Variants in ZBTB20 observed in about 807,000 individuals in gnomAD.
ZBTB20 encodes zinc finger and BTB domain containing 20.
A neutral mutation model predicts 56.9 loss-of-function variants in ZBTB20; 9 were observed. That is an observed-to-expected ratio of 0.16 (90% CI 0.10 to 0.28). ZBTB20 has a LOEUF of 0.28. ZBTB20 is among the 10% of genes least tolerant of loss of function. ZBTB20 has a pLI of 1.00. For missense variants in ZBTB20, 655 were observed against 1,003.0 expected (o/e 0.65, Z 4.69); for synonymous variants, 417 against 420.7 (o/e 0.99, Z 0.11).
chr3:114,763,524 T>C (rs1296510341), intron 5 of ZBTB20, among the ~76,000 whole-genome samples: 2 of 152,128 alleles, frequency 1.3e-5, no homozygotes, highest in Non-Finnish European at 2.9e-5. Flanking sequence ...AATCCCCAAA[T>C]ATAAGAATGA....
At chr3:114,438,215 G>A (rs2090651816) in intron 7 of ZBTB20, among the ~76,000 whole-genome samples, 2 of 152,086 alleles carry the variant, frequency 1.3e-5, no homozygotes, top group African/African-American at 4.8e-5. Context: ...GGCCAGAGCT[G>A]AGAGATCAGC....
chr3:114,980,619 G>C (rs976415366), intron 2 of ZBTB20, among the ~76,000 whole-genome samples: 1 of 151,144 alleles, frequency 6.6e-6, no homozygotes, highest in African/African-American at 2.4e-5. Context: ...AATTATATTA[G>C]ATTGATATAA....
chr3:115,038,014 A>C (rs1357258833), intron 2 of ZBTB20, among the ~76,000 whole-genome samples: 1 of 152,266 alleles, frequency 6.6e-6, no homozygotes, highest in Non-Finnish European at 1.5e-5. Flanking sequence ...TAGAAAACTT[A>C]GCTATTCAAA....
intron 5 of ZBTB20, among the ~76,000 whole-genome samples, chr3:114,752,470 T>A (rs2067642050): frequency 6.6e-6 from 1 of 152,210 alleles, no homozygotes; most frequent in Admixed American, 6.5e-5. Flanking sequence ...CCAGTTGGCA[T>A]AACCTTAGGA....
At chr3:114,427,466 G>T (rs2089772717) in intron 7 of ZBTB20, among the ~76,000 whole-genome samples, 1 of 152,210 alleles carries the variant, frequency 6.6e-6, no homozygotes, top group East Asian at 1.9e-4. Context: ...TCCCATTCTA[G>T]ATGGCTCCAG....
intron 7 of ZBTB20, among the ~76,000 whole-genome samples, chr3:114,389,745 C>T (rs1231163879): frequency 2.6e-5 from 4 of 151,318 alleles, no homozygotes; most frequent in Admixed American, 6.6e-5. Flanking sequence ...AAAAATTAGC[C>T]AGGCGTGATG....
intron 4 of ZBTB20, among the ~76,000 whole-genome samples, chr3:114,885,283 T>C (rs1331185725): frequency 6.6e-6 from 1 of 152,216 alleles, no homozygotes; most frequent in Non-Finnish European, 1.5e-5. Flanking sequence ...ATTGCATTTC[T>C]TGTACACAAG....
At chr3:114,929,427 G>C (rs187373116) in intron 3 of ZBTB20, among the ~76,000 whole-genome samples, 1 of 152,222 alleles carries the variant, frequency 6.6e-6, no homozygotes, top group Non-Finnish European at 1.5e-5. Context: ...AAGGAAGTGA[G>C]TATTCTGCTG....
chr3:114,496,735 G>A (rs191629142), intron 7 of ZBTB20, among the ~76,000 whole-genome samples: 1 of 152,322 alleles, frequency 6.6e-6, no homozygotes, highest in African/African-American at 2.4e-5. Context: ...CTGTGCATAA[G>A]TTGCAATTCA....
At position 115,142,391 on chromosome 3, in the gene ZBTB20, G is replaced by A. The variant is rs531526346; in HGVS notation, c.-703+4828C>T. 2.2e-4 allele frequency among the ~76,000 whole-genome samples: 34 copies of A among 152,174 alleles called. No individual in the cohort carries two copies. In the South Asian group the frequency reaches 6.4e-3, roughly 29 times the overall value. On this transcript the variant is annotated intron_variant, in intron 1 of 11. Coordinates refer to ENST00000675478, the MANE Select transcript of ZBTB20 (RefSeq NM_001348800.3). ...AAAAAATTCAACTGAGGCTGGGCAC[G>A]GTGGCTCACACCTGTAATCCTAGCT...
rs897513099 is a variant in ZBTB20, at chr3:114,785,804, A to G, written c.-343+15297T>C. Among the ~76,000 whole-genome samples the G allele has an allele frequency of 3.3e-5, 5 of 152,046 alleles. 1 individual carries two copies. Among genetic ancestry groups the G allele is most frequent in the African/African-American group, 1.2e-4 (5 of 41,490 alleles). On this transcript the variant is annotated intron_variant, in intron 5 of 11. Transcript: ENST00000675478. ...GTGTGCTGAGAATACTTCAGATCTT[A>G]CTCTCTGCGTAAATTTAATGGATGC... is the stretch of plus-strand genomic sequence containing the variant.
At chr3:114,654,341 CTTAAT>C (rs1486332255) in intron 6 of ZBTB20, among the ~76,000 whole-genome samples, 7 of 151,808 alleles carry the variant, frequency 4.6e-5, no homozygotes, top group African/African-American at 1.4e-4. Flanking sequence ...TACTGCATAA[CTTAAT>C]TTAATTATTT....
At chr3:114,495,824 A>G (rs942974345) in intron 7 of ZBTB20, among the ~76,000 whole-genome samples, 3 of 152,242 alleles carry the variant, frequency 2.0e-5, no homozygotes, top group African/African-American at 4.8e-5. Flanking sequence ...TTCAACCTAA[A>G]TGCATAAAAG....
chr3:114,438,437 A>G (rs1484243368), intron 7 of ZBTB20, among the ~76,000 whole-genome samples: 1 of 82,656 alleles, frequency 1.2e-5, no homozygotes, highest in African/African-American at 5.7e-5. Context: ...AAAAAAAACC[A>G]AAAAAAAACA....
chr3:114,687,690 C>T (rs977652334), intron 6 of ZBTB20: 1 of 150,618 alleles, frequency 6.6e-6, no homozygotes, highest in African/African-American at 2.4e-5. Flanking sequence ...ACAAATAAAC[C>T]AATAAATGTT....
intron 2 of ZBTB20, among the ~76,000 whole-genome samples, chr3:115,033,756 C>G (rs944117005): frequency 3.3e-5 from 5 of 151,662 alleles, no homozygotes; most frequent in African/African-American, 1.2e-4. Flanking sequence ...TTACATGAGG[C>G]CTGTATTACC....
At chr3:114,834,709 G>T (rs879861581) in intron 4 of ZBTB20, among the ~76,000 whole-genome samples, 1 of 151,886 alleles carries the variant, frequency 6.6e-6, no homozygotes, top group South Asian at 2.1e-4. Flanking sequence ...AAACTGTCTG[G>T]ATGCCTGGAC....
chr3:114,852,270 A>T (rs928476619), intron 4 of ZBTB20, among the ~76,000 whole-genome samples: 16 of 150,248 alleles, frequency 1.1e-4, no homozygotes, highest in Admixed American at 6.0e-4. Context: ...TATTTTATTT[A>T]TTTTATTTTT....
At chr3:114,731,748 A>G (rs1465486541) in intron 5 of ZBTB20, among the ~76,000 whole-genome samples, 1 of 151,780 alleles carries the variant, frequency 6.6e-6, no homozygotes, top group Non-Finnish European at 1.5e-5. Context: ...TACCTAGATT[A>G]GTAACTAACC....
Sources: allele counts gnomAD v4.1 joint callset (sites outside exome capture counted in the v4.1 genomes callset), GRCh38; gene constraint gnomAD v4.1.1; transcripts MANE v1.5; gene names NCBI Gene and HGNC (gene_info 2026-07-23, HGNC 2026-07-21).